Variants in DPP6 observed in about 807,000 individuals in gnomAD.
DPP6 encodes A-type potassium channel modulatory protein DPP6.
In DPP6, 69 loss-of-function variants were observed where a neutral mutation model predicts 122.6. The observed-to-expected ratio is 0.56, with a 90% CI of 0.46 to 0.69. The LOEUF (loss-of-function observed/expected upper bound fraction) is 0.69, where lower values mean the gene tolerates loss of function less well. Among genes scored for constraint, DPP6 ranks in the 30% least tolerant of loss-of-function variants. The pLI is 0.00. For missense variants in DPP6, 928 were observed against 1,116.9 expected, an observed-to-expected ratio of 0.83 and a Z score of 2.41; for synonymous variants, 418 against 433.1, an observed-to-expected ratio of 0.97 and a Z score of 0.43.
intron 7 of DPP6, among the ~76,000 whole-genome samples, chr7:154,689,064 C>T (rs1049308467): frequency 1.3e-5 from 2 of 152,154 alleles, no homozygotes; most frequent in Non-Finnish European, 2.9e-5. Context: ...CTTCCTTTTT[C>T]ATCCTCAACT....
the DPP6 span, among the ~76,000 whole-genome samples, chr7:153,772,789 C>G: frequency 6.7e-6 from 1 of 148,256 alleles, no homozygotes; most frequent in East Asian, 1.9e-4. Context: ...CACAAAGAAG[C>G]TGGAGTAGTT....
intron 5 of DPP6, among the ~76,000 whole-genome samples, chr7:154,626,771 G>C (rs1835093973): frequency 6.6e-6 from 1 of 152,128 alleles, no homozygotes; most frequent in Non-Finnish European, 1.5e-5. Context: ...CATTATTTTT[G>C]TGTTTGGAAT....
intron 1 of DPP6, among the ~76,000 whole-genome samples, chr7:154,136,619 C>T (rs11984118): frequency 0.28 from 41,789 of 147,896 alleles, 5,311 homozygotes; most frequent in East Asian, 0.39. Flanking sequence ...AAACACATAT[C>T]TTCTTCCTTA....
At chr7:153,803,850 C>T in the DPP6 span, among the ~76,000 whole-genome samples, 1 of 149,600 alleles carries the variant, frequency 6.7e-6, no homozygotes, top group Non-Finnish European at 1.5e-5. Flanking sequence ...CATACACACA[C>T]ACACATATAT....
chr7:154,513,780 C>A (rs1167296227), intron 3 of DPP6, among the ~76,000 whole-genome samples: 1 of 152,144 alleles, frequency 6.6e-6, no homozygotes, highest in African/African-American at 2.4e-5. Context: ...TTAGAGTCAT[C>A]CTAGGAACAA....
chr7:154,503,888 A>G (rs369435135), intron 3 of DPP6, among the ~76,000 whole-genome samples: 3 of 152,314 alleles, frequency 2.0e-5, no homozygotes, highest in African/African-American at 7.2e-5. Context: ...TGTGCAGCAA[A>G]TCACCATGGC....
At chr7:153,895,982 G>T (rs151202146) in intron 1 of DPP6, among the ~76,000 whole-genome samples, 1 of 152,350 alleles carries the variant, frequency 6.6e-6, no homozygotes, top group African/African-American at 2.4e-5. Context: ...TTGCTGGCTA[G>T]CCAGGCCGGC....
intron 1 of DPP6, among the ~76,000 whole-genome samples, chr7:153,987,154 T>A (rs1209391499): frequency 1.3e-5 from 2 of 152,250 alleles, no homozygotes; most frequent in Non-Finnish European, 2.9e-5. Context: ...CCCTGAGTTT[T>A]ATGGCATCAC....
At chr7:154,114,074 A>C (rs570277895) in intron 1 of DPP6, among the ~76,000 whole-genome samples, 14 of 151,540 alleles carry the variant, frequency 9.2e-5, no homozygotes, top group African/African-American at 3.4e-4. Context: ...GACAACCCAA[A>C]CTTTCTTATC....
At chr7:154,188,217 G>A (rs1798444549) in intron 1 of DPP6, among the ~76,000 whole-genome samples, 1 of 152,054 alleles carries the variant, frequency 6.6e-6, no homozygotes. Context: ...GTGTGGACAA[G>A]GCATTCGGGA....
chr7:154,476,578 GA>G (rs1822758825), intron 3 of DPP6, among the ~76,000 whole-genome samples: 3 of 152,152 alleles, frequency 2.0e-5, no homozygotes, highest in Admixed American at 2.0e-4. Flanking sequence ...AGGAGGATCG[GA>G]AGTTCTCATC....
the DPP6 span, among the ~76,000 whole-genome samples, chr7:153,846,244 C>G: frequency 6.6e-6 from 1 of 152,178 alleles, no homozygotes; most frequent in Non-Finnish European, 1.5e-5. Context: ...TTCTCCTGTA[C>G]TACTGGCTTT....
At chr7:154,380,358 A>G (rs1173937924) in intron 1 of DPP6, among the ~76,000 whole-genome samples, 1 of 152,220 alleles carries the variant, frequency 6.6e-6, no homozygotes, top group African/African-American at 2.4e-5. Context: ...GTACACACAA[A>G]TGTGTACATA....
intron 1 of DPP6, among the ~76,000 whole-genome samples, chr7:154,003,386 TAAGA>T (rs940328007): frequency 6.6e-6 from 1 of 152,188 alleles, no homozygotes; most frequent in Non-Finnish European, 1.5e-5. Context: ...AGGAAAGCTT[TAAGA>T]GAGAAATCAG....
chr7:154,404,938 C>T (rs1010912244), intron 1 of DPP6, among the ~76,000 whole-genome samples: 3 of 152,118 alleles, frequency 2.0e-5, no homozygotes, highest in African/African-American at 7.2e-5. Flanking sequence ...TAGAAAAAGA[C>T]ATCCATTAAA....
At chr7:154,299,418 G>A (rs1029346879) in intron 1 of DPP6, among the ~76,000 whole-genome samples, 2 of 152,248 alleles carry the variant, frequency 1.3e-5, no homozygotes, top group African/African-American at 2.4e-5. Context: ...CGCAGTGGTC[G>A]ACTGTCGGAA....
chr7:154,622,075 C>G (rs1342142168), intron 5 of DPP6, among the ~76,000 whole-genome samples: 1 of 152,160 alleles, frequency 6.6e-6, no homozygotes, highest in East Asian at 1.9e-4. Flanking sequence ...CCTAGTTAAA[C>G]TGGAAAAGTA....
intron 1 of DPP6, chr7:154,057,409 G>T: frequency 9.8e-6 from 2 of 204,308 alleles, no homozygotes; most frequent in Non-Finnish European, 1.7e-5. Flanking sequence ...GCCCATCGGG[G>T]ATCCTAAGAT....
chr7:154,605,543 T>G (rs1289941219), intron 5 of DPP6, among the ~76,000 whole-genome samples: 7 of 120,742 alleles, frequency 5.8e-5, no homozygotes, highest in Non-Finnish European at 1.1e-4. Flanking sequence ...CATATTATAT[T>G]TTTCTACTAA....
Sources: allele counts gnomAD v4.1 joint callset (sites outside exome capture counted in the v4.1 genomes callset), GRCh38; gene constraint gnomAD v4.1.1; transcripts MANE v1.5; gene names NCBI Gene and HGNC (gene_info 2026-07-23, HGNC 2026-07-21).